MYLK: variants seen among roughly 807,000 people sequenced by gnomAD.
MYLK encodes myosin light chain kinase, smooth muscle.
Under a neutral mutation model 203.4 loss-of-function variants are expected in MYLK, and 106 were observed. That is an observed-to-expected ratio of 0.52 (90% CI 0.45 to 0.61). The LOEUF (loss-of-function observed/expected upper bound fraction) is 0.61. MYLK is among the 20% of genes least tolerant of loss of function. The probability of loss-of-function intolerance (pLI) is 0.00; values close to 1 mark genes in which losing one functional copy is unlikely to be tolerated. For synonymous variants in MYLK, 867 were observed against 959.5 expected (o/e 0.90, Z 1.78); for missense variants, 2,072 against 2,442.3 (o/e 0.85, Z 3.20).
intron 7 of MYLK, among the ~76,000 whole-genome samples, chr3:123,738,553 C>A (rs2062755846): frequency 6.6e-6 from 1 of 152,118 alleles, no homozygotes; most frequent in Non-Finnish European, 1.5e-5. Flanking sequence ...AATGTAGCTC[C>A]CATAATTCCC....
At chr3:123,766,370 C>A (rs1275021964) in intron 4 of MYLK, among the ~76,000 whole-genome samples, 1 of 152,222 alleles carries the variant, frequency 6.6e-6, no homozygotes, top group East Asian at 1.9e-4. Flanking sequence ...AGCCTCGAGG[C>A]CCACAGCACA....
chr3:123,715,115 G>A (rs939693677), intron 13 of MYLK, among the ~76,000 whole-genome samples: 4 of 152,200 alleles, frequency 2.6e-5, no homozygotes, highest in African/African-American at 9.7e-5. Context: ...ACTGACCCAT[G>A]GAGTTTTTCC....
At chr3:123,863,067 G>A (rs543172413) in intron 2 of MYLK, among the ~76,000 whole-genome samples, 61 of 152,262 alleles carry the variant, frequency 4.0e-4, no homozygotes, top group African/African-American at 1.4e-3. Context: ...TCTCTGCCAG[G>A]TGTGGTTACT....
chr3:123,669,256 A>T (rs2059833649), intron 20 of MYLK, among the ~76,000 whole-genome samples: 2 of 152,144 alleles, frequency 1.3e-5, no homozygotes, highest in Admixed American at 1.3e-4. Context: ...GTCATCATTG[A>T]TCCATCCGTC....
rs1560224879 is a variant in MYLK, at chr3:123,793,682, C to G, written c.160G>C (p.Gly54Arg). ...IKEGATAKFE[G>R]RVRGYPEPQV... ...CATCCAGCCACACTTCTTACCCGCCCTTCGAACTTGGCGGTGGCTCCTTCT... is the reference window on the plus strand; with the variant it reads ...CATCCAGCCACACTTCTTACCCGCCGTTCGAACTTGGCGGTGGCTCCTTCT... Residue 54 changes from glycine to arginine, a missense_variant, in exon 4 of 34, where the codon GGG becomes CGG. Gly to Arg is a moderately radical substitution (Grantham distance 125). Coordinates refer to ENST00000360304, the MANE Select transcript of MYLK (RefSeq NM_053025.4). The G allele has an allele frequency of 6.2e-7, 1 of 1,614,156 alleles. No homozygotes were observed. Among genetic ancestry groups the G allele is most frequent in the Non-Finnish European group, 8.5e-7 (1 of 1,180,000 alleles).
intron 4 of MYLK, among the ~76,000 whole-genome samples, chr3:123,786,307 A>C (rs901471386): frequency 3.3e-5 from 5 of 151,760 alleles, no homozygotes; most frequent in African/African-American, 1.2e-4. Flanking sequence ...CCATCTCAAA[A>C]AAAAAAAATT....
At chr3:123,867,233 T>C (rs1472900022) in intron 2 of MYLK, among the ~76,000 whole-genome samples, 1 of 152,040 alleles carries the variant, frequency 6.6e-6, no homozygotes, top group Non-Finnish European at 1.5e-5. Flanking sequence ...AAAATGGACA[T>C]GTTCCATTTT....
At chr3:123,839,863 G>A (rs1335769133) in intron 2 of MYLK, among the ~76,000 whole-genome samples, 1 of 152,146 alleles carries the variant, frequency 6.6e-6, no homozygotes, top group Non-Finnish European at 1.5e-5. Context: ...TGATCGTTAT[G>A]AAATTAAACT....
At chr3:123,677,294 T>G (rs572085491) in intron 20 of MYLK, among the ~76,000 whole-genome samples, 9 of 152,322 alleles carry the variant, frequency 5.9e-5, no homozygotes, top group Non-Finnish European at 1.2e-4. Context: ...AAACTCCCCA[T>G]CTGACTGGCA....
rs74465515 is a variant in MYLK, at chr3:123,848,586, T to C, written c.-126-16916A>G. Among the ~76,000 whole-genome samples, 437 of 152,276 alleles carry C rather than the reference T, an allele frequency of 2.9e-3. 1 individual carries two copies. The highest frequency in any genetic ancestry group is 0.01 in the African/African-American group (420 of 41,566). On this transcript the variant is annotated intron_variant, in intron 2 of 33. Coordinates refer to ENST00000360304, the MANE Select transcript of MYLK (RefSeq NM_053025.4). ...AATGACACAGTTCTAACCAATGACA[T>C]ATAAGTGAAAGTTATTACATAGGGC... is the stretch of plus-strand genomic sequence containing the variant.
rs1335462852 is a variant in MYLK at position 123,612,362 on chromosome 3, T to G, written c.*1743A>C. The G allele has an allele frequency of 6.6e-6, 1 of 152,658 alleles. No homozygotes were observed. The highest frequency in any genetic ancestry group is 1.5e-5 in the Non-Finnish European group (1 of 68,036). 9.5% of individuals were successfully genotyped at this position (152,658 alleles called of 1,614,324 possible). On this transcript the variant is annotated 3_prime_UTR_variant, in exon 34 of 34. Transcript: ENST00000360304. ...TTGTGAGCTGACTACAGTTGTAGTG[T>G]TCTCATTTACCATTCTGATGGCATA...
In MYLK at chr3:123,679,033, G is replaced by A. The variant is rs369582049; in HGVS notation, c.3652+3191C>T. On this transcript the variant is annotated intron_variant, in intron 20 of 33. Coordinates refer to ENST00000360304, the MANE Select transcript of MYLK (RefSeq NM_053025.4). ...AAATCTAAAAGACATCTTCGGCCGGGCGCGGTGGCTCACGCCTGTAATCCC... is the reference window on the plus strand; with the variant it reads ...AAATCTAAAAGACATCTTCGGCCGGACGCGGTGGCTCACGCCTGTAATCCC... 1.2e-4 allele frequency among the ~76,000 whole-genome samples: 18 copies of A among 152,328 alleles called. 1 individual carries two copies. Among genetic ancestry groups the A allele is most frequent in the Admixed American group, 9.2e-4 (14 of 15,298 alleles).
intron 2 of MYLK, among the ~76,000 whole-genome samples, chr3:123,874,572 T>C (rs564466462): frequency 1.9e-4 from 29 of 152,268 alleles, no homozygotes; most frequent in African/African-American, 6.7e-4. Context: ...GACTCCACAT[T>C]AGGTTAGTAT....
At chr3:123,803,985 T>C (rs576115668) in intron 3 of MYLK, among the ~76,000 whole-genome samples, 2 of 152,282 alleles carry the variant, frequency 1.3e-5, no homozygotes, top group Admixed American at 6.5e-5. Flanking sequence ...GAACTAATAA[T>C]AGTTGCCATG....
intron 12 of MYLK, among the ~76,000 whole-genome samples, chr3:123,722,678 T>G (rs542959812): frequency 6.6e-6 from 1 of 152,274 alleles, no homozygotes; most frequent in East Asian, 1.9e-4. Flanking sequence ...TACACGGTCA[T>G]CTGGCCCATA....
At chr3:123,707,441 C>G (rs1369058931) in intron 16 of MYLK, among the ~76,000 whole-genome samples, 1 of 152,172 alleles carries the variant, frequency 6.6e-6, no homozygotes, top group Admixed American at 6.5e-5. Flanking sequence ...TTCCCCCTAT[C>G]CCCCTGCTTT....
chr3:123,792,138 T>C lies in MYLK; in HGVS notation c.165+1539A>G, dbSNP rs1475826681. Among the ~76,000 whole-genome samples, 3 of 152,238 alleles carry C rather than the reference T, an allele frequency of 2.0e-5. No individual in the cohort carries two copies. In the East Asian group the frequency reaches 5.8e-4, roughly 29 times the overall value. On this transcript the variant is annotated intron_variant, in intron 4 of 33. Transcript: ENST00000360304. The stretch of plus-strand genomic sequence containing the variant: ...GCATGGTTCTTTCATGACACCAAGG[T>C]CAGCAAAGGAAGCAAAAGCATCATC...
chr3:123,735,322 T>G, intron 9 of MYLK, 76 bp downstream of exon 9: 1 of 1,565,184 alleles, frequency 6.4e-7, no homozygotes, highest in Non-Finnish European at 8.8e-7. Context: ...ATTCAGAAAT[T>G]CAGGGCATTT....
intron 27 of MYLK, among the ~76,000 whole-genome samples, chr3:123,645,640 A>G (rs2058990799): frequency 6.6e-6 from 1 of 152,260 alleles, no homozygotes; most frequent in Non-Finnish European, 1.5e-5. Context: ...TCCTATAGAT[A>G]TTCACAGGCA....
Sources: allele counts gnomAD v4.1 joint callset (sites outside exome capture counted in the v4.1 genomes callset), GRCh38; gene constraint gnomAD v4.1.1; transcripts MANE v1.5; gene names NCBI Gene and HGNC (gene_info 2026-07-23, HGNC 2026-07-21).